PAK5: variants seen among roughly 807,000 people sequenced by gnomAD.
PAK5 encodes the protein p21 (RAC1) activated kinase 5.
A neutral mutation model predicts 65.9 loss-of-function variants in PAK5; 16 were observed. That is an observed-to-expected ratio of 0.24 (90% CI 0.16 to 0.37). The LOEUF (loss-of-function observed/expected upper bound fraction) is 0.37. Ranked by LOEUF, PAK5 falls within the 10% of genes least tolerant of loss-of-function variation. The pLI, the probability that PAK5 is intolerant of heterozygous loss-of-function variation, is 1.00. For synonymous variants in PAK5, 371 were observed against 354.9 expected, an observed-to-expected ratio of 1.05 and a Z score of -0.51; for missense variants, 785 against 903.9, an observed-to-expected ratio of 0.87 and a Z score of 1.69.
intron 2 of PAK5, among the ~76,000 whole-genome samples, chr20:9,694,861 G>A (rs1237350266): frequency 1.3e-5 from 2 of 152,002 alleles, no homozygotes; most frequent in Admixed American, 1.3e-4. Flanking sequence ...GAATGTTCAA[G>A]TACGTGTCTT....
At chr20:9,544,642 T>G in intron 7 of PAK5, 148 bp from the exon 8 acceptor site, 1 of 697,926 alleles carries the variant, frequency 1.4e-6, no homozygotes, top group Non-Finnish European at 2.4e-6. Context: ...GTCAGACCCT[T>G]TTATTGGAAA....
At chr20:9,796,089 A>G (rs926561019) in intron 1 of PAK5, among the ~76,000 whole-genome samples, 1 of 152,100 alleles carries the variant, frequency 6.6e-6, no homozygotes, top group Admixed American at 6.6e-5. Context: ...CCCAACAAAT[A>G]CCATTTGCCA....
intron 2 of PAK5, among the ~76,000 whole-genome samples, chr20:9,646,267 A>G (rs2047133468): frequency 6.6e-6 from 1 of 151,940 alleles, no homozygotes. Flanking sequence ...TTCCTTTTCC[A>G]TCCTCTACCT....
intron 1 of PAK5, among the ~76,000 whole-genome samples, chr20:9,833,842 A>G (rs898918244): frequency 3.9e-5 from 6 of 152,156 alleles, no homozygotes; most frequent in African/African-American, 1.2e-4. Context: ...ATAGCTTTCC[A>G]CAAAGACTTT....
At chr20:9,648,064 G>A (rs545492193) in intron 2 of PAK5, among the ~76,000 whole-genome samples, 2 of 152,296 alleles carry the variant, frequency 1.3e-5, no homozygotes, top group East Asian at 1.9e-4. Flanking sequence ...AGTTCAATGC[G>A]TCTCATCCCA....
intron 1 of PAK5, among the ~76,000 whole-genome samples, chr20:9,727,643 C>CATTTATTT (rs36094299): frequency 1.0e-3 from 154 of 151,312 alleles, no homozygotes; most frequent in Non-Finnish European, 1.5e-3. Flanking sequence ...CCTTCTCCCC[C>CATTTATTT]ATTTATTTAT....
chr20:9,757,155 C>T (rs1341198882), intron 1 of PAK5, among the ~76,000 whole-genome samples: 2 of 152,094 alleles, frequency 1.3e-5, no homozygotes, highest in Non-Finnish European at 2.9e-5. Context: ...GGGTTACTTC[C>T]TCAATAAACT....
chr20:9,827,566 C>T (rs913134210), intron 1 of PAK5, among the ~76,000 whole-genome samples: 12 of 150,354 alleles, frequency 8.0e-5, no homozygotes, highest in African/African-American at 2.9e-4. Context: ...ATCTACAAAA[C>T]ATTGTGATGA....
intron 1 of PAK5, among the ~76,000 whole-genome samples, chr20:9,796,498 G>A (rs1214774117): frequency 1.3e-5 from 2 of 152,086 alleles, no homozygotes; most frequent in Non-Finnish European, 2.9e-5. Flanking sequence ...AGGCTGGAGA[G>A]GTGGAAGATT....
chr20:9,580,643 G>A lies in PAK5; in HGVS notation c.492C>T (p.His164=), dbSNP rs146465018. 89 of 1,614,022 alleles carry A rather than the reference G, an allele frequency of 5.5e-5. No homozygotes were observed. In the African/African-American group the frequency reaches 9.2e-4, roughly 17 times the overall value. The part of the protein sequence containing the change: ...DDLDPYYRGS[H]AAKQNGHVMK... ...TTACGTGCCCATTTTGCTTGGCTGC[G>A]TGGCTGCCTCTATAATACGGATCCA... is the stretch of plus-strand genomic sequence containing the variant. Residue 164 remains histidine, a synonymous_variant, in exon 4 of 10, where the codon CAC becomes CAT. Coordinates refer to ENST00000353224, the MANE Select transcript of PAK5 (RefSeq NM_177990.4).
At chr20:9,782,188 G>A (rs1311384645) in intron 1 of PAK5, among the ~76,000 whole-genome samples, 4 of 151,968 alleles carry the variant, frequency 2.6e-5, no homozygotes, top group African/African-American at 9.7e-5. Flanking sequence ...CCATCTTCCT[G>A]GAACATTCTT....
intron 3 of PAK5, among the ~76,000 whole-genome samples, chr20:9,602,764 T>C (rs1436266211): frequency 6.6e-6 from 1 of 152,184 alleles, no homozygotes; most frequent in East Asian, 1.9e-4. Context: ...CAAAGTTCGG[T>C]TTCCTCTGAG....
At chr20:9,655,956 A>T (rs2047261912) in intron 2 of PAK5, among the ~76,000 whole-genome samples, 1 of 151,968 alleles carries the variant, frequency 6.6e-6, no homozygotes, top group African/African-American at 2.4e-5. Flanking sequence ...CAAACTAATG[A>T]CCTCATTTTA....
chr20:9,764,708 T>C (rs955647776), intron 1 of PAK5, among the ~76,000 whole-genome samples: 1 of 152,200 alleles, frequency 6.6e-6, no homozygotes, highest in Admixed American at 6.5e-5. Context: ...TGTTATTGCT[T>C]AAGAAACAGT....
chr20:9,688,000 G>A (rs904403607), intron 2 of PAK5, among the ~76,000 whole-genome samples: 4 of 151,970 alleles, frequency 2.6e-5, no homozygotes, highest in Non-Finnish European at 4.4e-5. Context: ...GAGATGTGGG[G>A]AAAGGGTTGG....
At chr20:9,832,791 G>T (rs1978830038) in intron 1 of PAK5, among the ~76,000 whole-genome samples, 1 of 152,124 alleles carries the variant, frequency 6.6e-6, no homozygotes, top group Admixed American at 6.5e-5. Flanking sequence ...TATTAAACGT[G>T]TGCATTGGTC....
intron 1 of PAK5, among the ~76,000 whole-genome samples, chr20:9,745,185 C>T (rs922850942): frequency 2.0e-5 from 3 of 151,898 alleles, no homozygotes; most frequent in Non-Finnish European, 4.4e-5. Flanking sequence ...TCAATCTTAG[C>T]GATTAATTGA....
At chr20:9,605,979 C>T (rs1327486938) in intron 3 of PAK5, among the ~76,000 whole-genome samples, 1 of 152,142 alleles carries the variant, frequency 6.6e-6, no homozygotes, top group Non-Finnish European at 1.5e-5. Context: ...AAAGTGTAAG[C>T]ACCAGTGTTA....
intron 1 of PAK5, among the ~76,000 whole-genome samples, chr20:9,781,732 C>T (rs1036774382): frequency 3.3e-5 from 5 of 152,028 alleles, no homozygotes; most frequent in Non-Finnish European, 7.4e-5. Flanking sequence ...TCCCCTCTCC[C>T]GTACCAACAT....
Sources: gnomAD v4.1 joint callset for allele counts (sites outside exome capture counted in the v4.1 genomes callset) on GRCh38, gnomAD v4.1.1 for gene constraint, MANE v1.5 for transcripts, NCBI Gene and HGNC (gene_info 2026-07-23, HGNC 2026-07-21) for gene names.